Variants in ADIPOR1 observed in about 807,000 individuals in gnomAD.
The protein encoded by ADIPOR1 is adiponectin receptor protein 1.
In ADIPOR1, 15 loss-of-function variants were observed where a neutral mutation model predicts 37.5. The ratio of observed to expected loss-of-function variants is 0.40; its 90% CI spans 0.27 to 0.62. The LOEUF is 0.62. Ranked by LOEUF, ADIPOR1 falls within the 20% of genes least tolerant of loss-of-function variation. The probability of loss-of-function intolerance (pLI) is 0.42; values close to 1 mark genes in which losing one functional copy is unlikely to be tolerated. For missense variants in ADIPOR1, 286 were observed against 478.0 expected (o/e 0.60, Z 3.75); for synonymous variants, 173 against 173.2 (o/e 1.00, Z 0.01).
chr1:202,947,319 C>T (rs1012708158), intron 3 of ADIPOR1, among the ~76,000 whole-genome samples: 1 of 151,720 alleles, frequency 6.6e-6, no homozygotes, highest in Non-Finnish European at 1.5e-5. Context: ...GTTGGGAGTT[C>T]GAGACTAGCC....
At chr1:202,956,328 T>C (rs1215302895) in intron 1 of ADIPOR1, among the ~76,000 whole-genome samples, 7 of 152,226 alleles carry the variant, frequency 4.6e-5, no homozygotes, top group African/African-American at 1.7e-4. Flanking sequence ...TTTGGCTTTG[T>C]ATTAGAAGTC....
intron 2 of ADIPOR1, among the ~76,000 whole-genome samples, chr1:202,948,982 G>A (rs1654447143): frequency 6.6e-6 from 1 of 151,374 alleles, no homozygotes; most frequent in African/African-American, 2.4e-5. Flanking sequence ...GTAGAGATGG[G>A]GTTTCACCAT....
chr1:202,951,204 C>T, intron 1 of ADIPOR1, 40 bp from the exon 2 acceptor site: 1 of 1,025,012 alleles, frequency 9.8e-7, no homozygotes, highest in Admixed American at 2.6e-5. Flanking sequence ...ACAATTTATT[C>T]CTCTTACAGT....
chr1:202,946,329 A>T, intron 4 of ADIPOR1, 110 bp downstream of exon 4: 2 of 1,327,650 alleles, frequency 1.5e-6, no homozygotes, highest in Non-Finnish European at 2.1e-6. Context: ...TTAGTAGTTT[A>T]AAGGTAGAAT....
intron 1 of ADIPOR1, among the ~76,000 whole-genome samples, chr1:202,955,480 T>C (rs1654747375): frequency 6.6e-6 from 1 of 151,946 alleles, no homozygotes; most frequent in African/African-American, 2.4e-5. Flanking sequence ...TGAGCCACTG[T>C]GCCTGGCTGA....
Position 202,940,981 on chromosome 1 carries a change from G to GA in ADIPOR1, c.*591dup, listed in dbSNP as rs879234012. Reference sequence around the variant, plus strand: ...TTTAAATTTTACATTACTCTGCCAAGAAAAAAAAAAAATTAAAACTCAAGT... The same window carrying GA: ...TTTAAATTTTACATTACTCTGCCAAGAAAAAAAAAAAAATTAAAACTCAAGT... On this transcript the variant is annotated 3_prime_UTR_variant, in exon 8 of 8. Transcript: ENST00000340990. The GA allele has an allele frequency of 1.6e-3, 233 of 144,736 alleles. No homozygotes were observed. Among genetic ancestry groups the GA allele is most frequent in the Non-Finnish European group, 2.1e-3 (138 of 65,528 alleles). 9.0% of individuals were successfully genotyped at this position (144,736 alleles called of 1,614,324 possible).
At chr1:202,945,299 C>T in intron 4 of ADIPOR1, 130 bp from the exon 5 acceptor site, 1 of 882,646 alleles carries the variant, frequency 1.1e-6, no homozygotes, top group Non-Finnish European at 1.7e-6. Context: ...ATTAAAAGCA[C>T]AATGAAATAC....
intron 2 of ADIPOR1, among the ~76,000 whole-genome samples, chr1:202,950,241 G>A (rs1014103968): frequency 1.3e-5 from 2 of 151,806 alleles, no homozygotes; most frequent in African/African-American, 4.8e-5. Context: ...GGGATTACAG[G>A]TGTGAGCCAC....
intron 2 of ADIPOR1, 149 bp from the exon 3 acceptor site, chr1:202,948,569 T>A (rs72752793): frequency 0.045 from 29,749 of 656,574 alleles, 2,133 homozygotes; most frequent in East Asian, 0.27. Context: ...TCCAAAAGCA[T>A]ACACACTGAG....
In ADIPOR1 at chr1:202,954,959, A is replaced by ATAG. The variant is rs1447689461; in HGVS notation, c.-95+3225_-95+3226insCTA. ...TTTAGAGAGTCTATGGGTAGCCTCT[A>ATAG]TCCATACCTAGCTTGATTCTTGTCC... On this transcript the variant is annotated intron_variant, in intron 1 of 7. Transcript: ENST00000340990. Among the ~76,000 whole-genome samples the ATAG allele has an allele frequency of 1.6e-4, 25 of 152,278 alleles. No individual in the cohort carries two copies. In the South Asian group the frequency reaches 5.0e-3, roughly 30 times the overall value.
chr1:202,950,846 C>A (rs757663382), intron 2 of ADIPOR1, 84 bp downstream of exon 2: 3 of 1,554,412 alleles, frequency 1.9e-6, no homozygotes, highest in Admixed American at 3.5e-5. Context: ...TCCTTTTGGA[C>A]GGTGAGCTCT....
intron 5 of ADIPOR1, chr1:202,944,159 C>A: frequency 2.0e-6 from 1 of 493,336 alleles, no homozygotes; most frequent in Non-Finnish European, 3.6e-6. Context: ...CTAAGAATCC[C>A]CATTCAAAGA....
intron 1 of ADIPOR1, among the ~76,000 whole-genome samples, chr1:202,957,508 T>C (rs1324418199): frequency 6.6e-6 from 1 of 152,088 alleles, no homozygotes; most frequent in Non-Finnish European, 1.5e-5. Context: ...ATCGAAGGCT[T>C]GAAGACCAAA....
chr1:202,946,465 G>A lies in ADIPOR1; in HGVS notation c.404C>T (p.Thr135Ile). The A allele has an allele frequency of 6.2e-7, 1 of 1,614,112 alleles. No homozygotes were observed. Among genetic ancestry groups the A allele is most frequent in the Non-Finnish European group, 8.5e-7 (1 of 1,180,040 alleles). The change falls in exon 4 of 8, where the codon ACT (threonine) becomes ATT (isoleucine). Residue 135 changes from threonine to isoleucine, a missense_variant. Transcript: ENST00000340990. ...AAGCAGATGGGTCCAGATGTTGCCAGTTTCTGTATGAATGCGGAAGATGCT... is the reference window on the plus strand; with the variant it reads ...AAGCAGATGGGTCCAGATGTTGCCAATTTCTGTATGAATGCGGAAGATGCT... ...FKSIFRIHTE[T>I]GNIWTHLLGF...
At chr1:202,947,477 G>A (rs1400271010) in intron 3 of ADIPOR1, among the ~76,000 whole-genome samples, 2 of 152,090 alleles carry the variant, frequency 1.3e-5, no homozygotes, top group South Asian at 2.1e-4. Context: ...AGCTGAGATC[G>A]TGCCACTGCA....
chr1:202,952,933 C>G (rs911194518), intron 1 of ADIPOR1, among the ~76,000 whole-genome samples: 34 of 152,334 alleles, frequency 2.2e-4, no homozygotes, highest in African/African-American at 8.2e-4. Flanking sequence ...AACCGGCAAT[C>G]TAGTCCAAGA....
In ADIPOR1 at chr1:202,951,141, G is replaced by C. The variant is rs1430051867; in HGVS notation, c.-71C>G. The C allele has an allele frequency of 1.1e-5, 17 of 1,585,312 alleles. No homozygotes were observed. In the Admixed American group the frequency reaches 2.9e-4, roughly 27 times the overall value. On this transcript the variant is annotated 5_prime_UTR_variant, in exon 2 of 8. Coordinates refer to ENST00000340990, the MANE Select transcript of ADIPOR1 (RefSeq NM_015999.6). Reference sequence around the variant, plus strand: ...TGGGGTCTCTCAGCCCCAGGGGGCAGAGATCTCCCTCTGATGGTAGACACT... The same window carrying C: ...TGGGGTCTCTCAGCCCCAGGGGGCACAGATCTCCCTCTGATGGTAGACACT...
At chr1:202,950,528 G>A (rs138203049) in intron 2 of ADIPOR1, among the ~76,000 whole-genome samples, 2 of 152,172 alleles carry the variant, frequency 1.3e-5, no homozygotes, top group East Asian at 2.0e-4. Flanking sequence ...GCCTGACAGT[G>A]GTGGATCCTC....
At position 202,943,740 on chromosome 1, in the gene ADIPOR1, G is replaced by A. The variant is rs773687498; in HGVS notation, c.805+18C>T. The A allele has an allele frequency of 1.9e-6, 3 of 1,611,500 alleles. No homozygotes were observed. Among genetic ancestry groups the A allele is most frequent in the Non-Finnish European group, 1.7e-6 (2 of 1,179,352 alleles). Reference sequence around the variant, plus strand: ...AGGTCTAAATACCTCTGAGGTGTACGTACATCTTCCGACCTACCTGCTCTT... The same window carrying A: ...AGGTCTAAATACCTCTGAGGTGTACATACATCTTCCGACCTACCTGCTCTT... On this transcript the variant is annotated intron_variant, in intron 6 of 7. Coordinates refer to ENST00000340990, the MANE Select transcript of ADIPOR1 (RefSeq NM_015999.6).
Sources: allele counts gnomAD v4.1 joint callset (sites outside exome capture counted in the v4.1 genomes callset), GRCh38; gene constraint gnomAD v4.1.1; transcripts MANE v1.5; gene names NCBI Gene and HGNC (gene_info 2026-07-23, HGNC 2026-07-21).